NLK: variants seen among roughly 807,000 people sequenced by gnomAD.
NLK encodes the protein nemo like kinase, also known as serine/threonine-protein kinase NLK.
NLK carries 11 observed loss-of-function variants against 59.0 expected under a neutral mutation model. The observed-to-expected ratio is 0.19, with a 90% CI of 0.12 to 0.31. The LOEUF (loss-of-function observed/expected upper bound fraction) is 0.31. Ranked by LOEUF, NLK falls within the 10% of genes least tolerant of loss-of-function variation. The pLI, the probability that NLK is intolerant of heterozygous loss-of-function variation, is 1.00. For synonymous variants in NLK, 235 were observed against 235.9 expected (o/e 1.00, Z 0.03); for missense variants, 410 against 661.1 (o/e 0.62, Z 4.16).
chr17:28,069,013 C>A (rs1201538298), intron 1 of NLK, among the ~76,000 whole-genome samples: 1 of 152,148 alleles, frequency 6.6e-6, no homozygotes, highest in Non-Finnish European at 1.5e-5. Flanking sequence ...AAGTACCACC[C>A]AATCAAGATA....
At chr17:28,089,385 T>C (rs1904400213) in intron 1 of NLK, among the ~76,000 whole-genome samples, 2 of 152,156 alleles carry the variant, frequency 1.3e-5, no homozygotes, top group South Asian at 4.1e-4. Context: ...GATCTATCCA[T>C]GTTGTTGCAT....
chr17:28,164,647 G>A (rs1281280228), intron 5 of NLK, among the ~76,000 whole-genome samples: 1 of 152,050 alleles, frequency 6.6e-6, no homozygotes, highest in Admixed American at 6.6e-5. Flanking sequence ...ATGTGTATTG[G>A]CAGAACTCTT....
At chr17:28,134,395 C>T (rs1906651918) in intron 3 of NLK, among the ~76,000 whole-genome samples, 1 of 152,000 alleles carries the variant, frequency 6.6e-6, no homozygotes, top group South Asian at 2.1e-4. Context: ...AGTGAGACCT[C>T]GCCCTCCCGC....
In NLK at chr17:28,049,616, A is replaced by G. The variant is rs78650820; in HGVS notation, c.458+6285A>G. Among the ~76,000 whole-genome samples, 1,011 of 152,240 alleles carry G rather than the reference A, an allele frequency of 6.6e-3. 18 individuals are homozygous for G. Among genetic ancestry groups the G allele is most frequent in the African/African-American group, 0.023 (935 of 41,536 alleles). On this transcript the variant is annotated intron_variant, in intron 1 of 10. Coordinates refer to ENST00000407008, the MANE Select transcript of NLK (RefSeq NM_016231.5). ...ACAATATGAACAATGAAACATGCCT[A>G]CTCTCAGGGTGTCCTCAGCCTTGGT...
At chr17:28,045,963 T>G (rs1007345361) in intron 1 of NLK, among the ~76,000 whole-genome samples, 13 of 152,220 alleles carry the variant, frequency 8.5e-5, no homozygotes, top group African/African-American at 3.1e-4. Context: ...TACCGGGGTA[T>G]TATAAGATTC....
intron 1 of NLK, among the ~76,000 whole-genome samples, chr17:28,117,064 A>T (rs1905808176): frequency 6.6e-6 from 1 of 152,098 alleles, no homozygotes; most frequent in Non-Finnish European, 1.5e-5. Context: ...AACTTCCTAG[A>T]CTTGGCAGAC....
chr17:28,184,509 C>T (rs536787729), intron 7 of NLK, among the ~76,000 whole-genome samples: 91 of 152,166 alleles, frequency 6.0e-4, no homozygotes, highest in African/African-American at 2.2e-3. Context: ...GGAAGCCTCC[C>T]GTGTACGCAC....
intron 8 of NLK, among the ~76,000 whole-genome samples, chr17:28,187,251 G>A (rs1480350053): frequency 6.6e-6 from 1 of 152,152 alleles, no homozygotes; most frequent in Non-Finnish European, 1.5e-5. Context: ...ACTGTTTAGA[G>A]CTGTAAGGCA....
In NLK at chr17:28,071,766, AG is replaced by A. The variant is rs1191675668; in HGVS notation, c.458+28437del. On this transcript the variant is annotated intron_variant, in intron 1 of 10. Coordinates refer to ENST00000407008, the MANE Select transcript of NLK (RefSeq NM_016231.5). Reference sequence around the variant, plus strand: ...CTTCATCAGAAAGAATTGGCAGAACAGGTCTGGAGAGCCTCAGGTTTTAATT... The same window carrying A: ...CTTCATCAGAAAGAATTGGCAGAACAGTCTGGAGAGCCTCAGGTTTTAATT... 2.6e-5 allele frequency among the ~76,000 whole-genome samples: 4 copies of A among 152,348 alleles called. No individual in the cohort carries two copies. In the East Asian group the frequency reaches 7.7e-4, roughly 29 times the overall value.
chr17:28,192,978 T>C (rs1263115528), intron 10 of NLK, among the ~76,000 whole-genome samples: 12 of 152,214 alleles, frequency 7.9e-5, no homozygotes, highest in South Asian at 4.1e-4. Context: ...TGAACCTACA[T>C]TGGAAGTTAC....
intron 6 of NLK, among the ~76,000 whole-genome samples, chr17:28,169,874 C>G (rs1252859754): frequency 6.6e-6 from 1 of 151,914 alleles, no homozygotes; most frequent in Non-Finnish European, 1.5e-5. Context: ...AGGGATACAG[C>G]AGTAAATAAG....
At chr17:28,140,389 C>G (rs543944096) in intron 3 of NLK, among the ~76,000 whole-genome samples, 11 of 152,248 alleles carry the variant, frequency 7.2e-5, no homozygotes, top group African/African-American at 2.4e-4. Context: ...CTTAATACCA[C>G]TGAATTGCAC....
At chr17:28,096,432 A>G (rs1368442351) in intron 1 of NLK, among the ~76,000 whole-genome samples, 1 of 152,224 alleles carries the variant, frequency 6.6e-6, no homozygotes. Context: ...GTTTTCAAAA[A>G]TGAAGTGTTC....
intron 1 of NLK, among the ~76,000 whole-genome samples, chr17:28,095,694 C>T (rs1904677381): frequency 6.6e-6 from 1 of 152,182 alleles, no homozygotes; most frequent in Non-Finnish European, 1.5e-5. Context: ...AACCCACTTG[C>T]CCCTTGCTGT....
At chr17:28,112,722 A>G (rs1239341879) in intron 1 of NLK, among the ~76,000 whole-genome samples, 2 of 152,106 alleles carry the variant, frequency 1.3e-5, no homozygotes, top group East Asian at 3.9e-4. Flanking sequence ...GCACATCTAT[A>G]TATTGTAGCT....
At chr17:28,078,278 C>T (rs562298100) in intron 1 of NLK, among the ~76,000 whole-genome samples, 2 of 151,810 alleles carry the variant, frequency 1.3e-5, no homozygotes, top group South Asian at 4.2e-4. Context: ...TGCCTTTTTT[C>T]AAGCATTGAA....
chr17:28,084,861 C>T (rs1328241756), intron 1 of NLK, among the ~76,000 whole-genome samples: 1 of 152,180 alleles, frequency 6.6e-6, no homozygotes, highest in South Asian at 2.1e-4. Context: ...CGCACCCAGC[C>T]CCTGTCCCTA....
At chr17:28,047,193 ATGTT>A (rs1909088064) in intron 1 of NLK, among the ~76,000 whole-genome samples, 2 of 152,348 alleles carry the variant, frequency 1.3e-5, no homozygotes, top group East Asian at 3.9e-4. Context: ...GCATCAATAA[ATGTT>A]AGTTGTTTTT....
downstream of NLK, among the ~76,000 whole-genome samples, chr17:28,199,665 C>CAAAAAAAAA (rs1303411168): frequency 1.2e-4 from 4 of 33,564 alleles, no homozygotes; most frequent in African/African-American, 3.4e-4. Context: ...GACTCTGTCT[C>CAAAAAAAAA]AAAAAAAAAA....
Sources: allele counts gnomAD v4.1 joint callset (sites outside exome capture counted in the v4.1 genomes callset), GRCh38; gene constraint gnomAD v4.1.1; transcripts MANE v1.5; gene names NCBI Gene and HGNC (gene_info 2026-07-23, HGNC 2026-07-21).